CRLF1: variants seen among roughly 807,000 people sequenced by gnomAD.
The protein encoded by CRLF1 is cytokine receptor like factor 1, also known as cytokine receptor-like factor 1.
In CRLF1, 36 loss-of-function variants were observed where a neutral mutation model predicts 48.9. That is an observed-to-expected ratio of 0.74 (90% CI 0.56 to 0.97). CRLF1 has a LOEUF of 0.97. Ranked by LOEUF, CRLF1 falls within the 50% of genes least tolerant of loss-of-function variation. CRLF1 has a pLI of 0.00. For synonymous variants in CRLF1, 256 were observed against 253.4 expected (o/e 1.01, Z -0.10); for missense variants, 534 against 575.1 (o/e 0.93, Z 0.73).
chr19:18,602,413 G>T (rs947710625), intron 1 of CRLF1, among the ~76,000 whole-genome samples: 1 of 152,076 alleles, frequency 6.6e-6, no homozygotes, highest in African/African-American at 2.4e-5. Flanking sequence ...GTTTGAGACA[G>T]CCTGGGCAAC....
Position 18,594,046 on chromosome 19 carries a change from C to CCCCAT in CRLF1, c.1255+18_1255+19insATGGG. Reference sequence around the variant, plus strand: ...CCTCCCCTTGCTCCCTCCCGCCCACCCATTCAGGCCCACCTTACCTCTCGC... The same window carrying CCCCAT: ...CCTCCCCTTGCTCCCTCCCGCCCACCCCCATCATTCAGGCCCACCTTACCTCTCGC... On this transcript the variant is annotated intron_variant, in intron 8 of 8. Coordinates refer to ENST00000392386, the MANE Select transcript of CRLF1 (RefSeq NM_004750.5). 6.5e-7 allele frequency: 1 copy of CCCCAT among 1,537,216 alleles called. No homozygotes were observed. The highest frequency in any genetic ancestry group is 8.8e-7 in the Non-Finnish European group (1 of 1,137,930).
chr19:18,594,030 G>GCGGGGGGGCCCCCCCCC, intron 8 of CRLF1, 35 bp downstream of exon 8: 9 of 1,315,294 alleles, frequency 6.8e-6, no homozygotes, highest in Non-Finnish European at 7.4e-6. Context: ...CCCTCCCCTT[G>GCGGGGGGGCCCCCCCCC]CTCCCTCCCG....
intron 1 of CRLF1, among the ~76,000 whole-genome samples, chr19:18,601,359 C>G (rs1976219087): frequency 1.3e-5 from 2 of 152,130 alleles, no homozygotes; most frequent in Non-Finnish European, 2.9e-5. Flanking sequence ...TCACCGCAAT[C>G]TCCGCCTCCC....
chr19:18,598,941 TG>T, intron 2 of CRLF1, 40 bp from the exon 3 acceptor site: 1 of 1,609,994 alleles, frequency 6.2e-7, no homozygotes, highest in East Asian at 2.2e-5. Context: ...GCTGAGGGTC[TG>T]GACTAGCTGA....
In CRLF1 at chr19:18,606,012, T is replaced by C. The variant is rs988630214; in HGVS notation, c.115+530A>G. The stretch of plus-strand genomic sequence containing the variant: ...GCCGGGTCCCGCAGGGGGAGGGCGG[T>C]GGCGCCGGCCCGTGGAGACACAAGT... On this transcript the variant is annotated intron_variant, in intron 1 of 8. Coordinates refer to ENST00000392386, the MANE Select transcript of CRLF1 (RefSeq NM_004750.5). The surrounding 1 kb of genome is among the most constrained non-coding windows in gnomAD (Gnocchi z 4.8). Among the ~76,000 whole-genome samples the C allele has an allele frequency of 1.3e-5, 2 of 150,960 alleles. No individual in the cohort carries two copies. Among genetic ancestry groups the C allele is most frequent in the African/African-American group, 4.9e-5 (2 of 41,044 alleles).
chr19:18,603,004 C>T (rs1228225563), intron 1 of CRLF1, among the ~76,000 whole-genome samples: 2 of 152,252 alleles, frequency 1.3e-5, no homozygotes, highest in Non-Finnish European at 2.9e-5. Context: ...AGCCACTGCA[C>T]CCGGCCTCAG....
chr19:18,599,061 G>A (rs1600653375), intron 2 of CRLF1, 160 bp from the exon 3 acceptor site: 4 of 985,354 alleles, frequency 4.1e-6, no homozygotes, highest in Non-Finnish European at 4.8e-6. Context: ...CACAGTTGGT[G>A]TGACAACTGC....
intron 1 of CRLF1, among the ~76,000 whole-genome samples, chr19:18,600,396 T>G: frequency 2.0e-5 from 3 of 146,914 alleles, no homozygotes; most frequent in Admixed American, 1.4e-4. Context: ...TGAGACGCAG[T>G]CTTGCTCTGT....
intron 1 of CRLF1, among the ~76,000 whole-genome samples, chr19:18,604,688 C>T (rs918096960): frequency 1.3e-5 from 2 of 152,136 alleles, no homozygotes; most frequent in African/African-American, 4.8e-5. Context: ...AGGGGAGCAG[C>T]TGGGAACAGC....
Position 18,599,739 on chromosome 19 carries a change from A to G in CRLF1, c.223T>C (p.Tyr75His), listed in dbSNP as rs756560447. ...AGGCGGCGCCCGTTGAGGGTCCAGTAGAGGCCCTCGGCGGTGGCTCCTGGT... is the reference window on the plus strand; with the variant it reads ...AGGCGGCGCCCGTTGAGGGTCCAGTGGAGGCCCTCGGCGGTGGCTCCTGGT... ...DPPGATAEGL[Y>H]WTLNGRRLPP... is the part of the protein sequence containing the mutation. The change falls in exon 2 of 9, where the codon TAC (tyrosine) becomes CAC (histidine). Residue 75 changes from tyrosine (Y) to histidine (H), a missense_variant. By Grantham distance (83) the Tyr-to-His change is moderately conservative. Around this residue, in one of 2 missense-constraint regions of CRLF1, gnomAD observed 528 missense variants for 555.7 expected, o/e 0.95. Transcript: ENST00000392386. 2 of 1,604,880 alleles carry G rather than the reference A, an allele frequency of 1.2e-6. No individual in the cohort carries two copies. The highest frequency in any genetic ancestry group is 1.7e-6 in the Non-Finnish European group (2 of 1,175,914).
At chr19:18,601,281 T>G (rs1010441693) in intron 1 of CRLF1, among the ~76,000 whole-genome samples, 5 of 143,370 alleles carry the variant, frequency 3.5e-5, no homozygotes, top group African/African-American at 1.4e-4. Flanking sequence ...AGCACCATGT[T>G]TTTTTTTTTT....
chr19:18,603,650 CT>C (rs1311638259), intron 1 of CRLF1, among the ~76,000 whole-genome samples: 1 of 152,262 alleles, frequency 6.6e-6, no homozygotes, highest in Non-Finnish European at 1.5e-5. Context: ...GGGAGGCCCC[CT>C]GAATGCCAGC....
At chr19:18,595,300 G>A (rs1256054879) in intron 6 of CRLF1, among the ~76,000 whole-genome samples, 1 of 152,248 alleles carries the variant, frequency 6.6e-6, no homozygotes, top group African/African-American at 2.4e-5. Flanking sequence ...ACGAGCAGGG[G>A]CCAAGGCTCA....
intron 1 of CRLF1, among the ~76,000 whole-genome samples, chr19:18,603,662 G>A (rs905248617): frequency 1.3e-4 from 20 of 152,242 alleles, no homozygotes; most frequent in Admixed American, 9.2e-4. Context: ...GAATGCCAGC[G>A]CTGCCCTGCA....
chr19:18,593,676 C>T lies in CRLF1; in HGVS notation c.1256-97G>A, dbSNP rs576004197. On this transcript the variant is annotated intron_variant, in intron 8 of 8. Transcript: ENST00000392386. ...GGCTTCATTCGTGTCCTGTCCCCAC[C>T]GCTTCTGGCTGTGTGACTTTGGGCA... The T allele has an allele frequency of 3.7e-5, 57 of 1,546,504 alleles. No homozygotes were observed. The East Asian group carries it at 9.8e-4, about 26-fold the overall frequency.
At chr19:18,595,034 C>T (rs1976113098) in intron 6 of CRLF1, among the ~76,000 whole-genome samples, 1 of 152,154 alleles carries the variant, frequency 6.6e-6, no homozygotes, top group Non-Finnish European at 1.5e-5. Flanking sequence ...CAGCATGGGC[C>T]CATGGGACAG....
chr19:18,593,873 C>T (rs1976089809), intron 8 of CRLF1, 192 bp downstream of exon 8: 1 of 984,976 alleles, frequency 1.0e-6, no homozygotes, highest in Non-Finnish European at 1.2e-6. Context: ...TGTTCTTAGG[C>T]TAAAGGAGAC....
chr19:18,604,664 A>C (rs1976266627), intron 1 of CRLF1, among the ~76,000 whole-genome samples: 1 of 151,714 alleles, frequency 6.6e-6, no homozygotes, highest in Non-Finnish European at 1.5e-5. Context: ...AGATGCACGC[A>C]CTCCAGGCCA....
In CRLF1 at chr19:18,606,549, T is replaced by A; in HGVS notation, c.108A>T (p.Ser36=). 3.5e-6 allele frequency: 4 copies of A among 1,146,782 alleles called. No homozygotes were observed. Among genetic ancestry groups the A allele is most frequent in the Non-Finnish European group, 4.3e-6 (4 of 934,334 alleles). The allele number at this position is 1,146,782 out of a possible 1,614,324, so 71.0% of individuals were successfully genotyped here. A position where few individuals can be genotyped will look rare whatever the true frequency, so the allele number is the denominator to read the frequency against. The part of the protein sequence containing the change: ...LCVLGAPRAG[S]GAHTAVISPQ... ...GGGGCGCCGGGTACTCACGGGCTCC[T>A]GATCCGGCTCGCGGCGCCCCGAGGA... Residue 36 remains serine, a synonymous_variant, in exon 1 of 9, where the codon TCA becomes TCT. Transcript: ENST00000392386. The surrounding 1 kb of genome is among the most constrained non-coding windows in gnomAD (Gnocchi z 4.8).
Sources: gnomAD v4.1 joint callset for allele counts (sites outside exome capture counted in the v4.1 genomes callset) on GRCh38, gnomAD v4.1.1 for gene constraint, gnomAD v4.1.1 regional missense constraint, Gnocchi (gnomAD v3.1) non-coding constraint, MANE v1.5 for transcripts, NCBI Gene and HGNC (gene_info 2026-07-23, HGNC 2026-07-21) for gene names.